Variants in PDZRN3 observed in about 807,000 individuals in gnomAD.
PDZRN3 encodes E3 ubiquitin-protein ligase PDZRN3.
Under a neutral mutation model 85.7 loss-of-function variants are expected in PDZRN3, and 38 were observed. The observed-to-expected ratio is 0.44, with a 90% confidence interval of 0.34 to 0.58. The LOEUF is 0.58. Among genes scored for constraint, PDZRN3 ranks in the 20% least tolerant of loss-of-function variants. PDZRN3 has a pLI of 0.01. For missense variants in PDZRN3, 1,629 were observed against 1,506.4 expected (o/e 1.08, Z -1.35); for synonymous variants, 759 against 638.0 (o/e 1.19, Z -2.86).
At chr3:73,578,314 G>T (rs9815613) in intron 3 of PDZRN3, among the ~76,000 whole-genome samples, 2 of 151,796 alleles carry the variant, frequency 1.3e-5, no homozygotes, top group African/African-American at 4.8e-5. Context: ...GACTACAGGC[G>T]CCTGCCACCA....
Position 73,438,307 on chromosome 3 carries a change from T to C in PDZRN3, c.919-33912A>G, listed in dbSNP as rs900180478. Among the ~76,000 whole-genome samples the C allele has an allele frequency of 2.6e-5, 4 of 152,234 alleles. No homozygotes were observed. In the East Asian group the frequency reaches 7.7e-4, roughly 29 times the overall value. On this transcript the variant is annotated intron_variant, in intron 3 of 9. Coordinates refer to ENST00000263666, the MANE Select transcript of PDZRN3 (RefSeq NM_015009.3). ...TAAGTCATCAGGGTGCTACAGACAG[T>C]CAGCAGATGTAGACATGAACTTATA...
intron 7 of PDZRN3, among the ~76,000 whole-genome samples, chr3:73,389,038 A>AGGTTCTGGCT (rs1553682848): frequency 6.6e-6 from 1 of 151,822 alleles, no homozygotes; most frequent in African/African-American, 2.4e-5. Flanking sequence ...TGAGCAGCAC[A>AGGTTCTGGCT]GGTTCTGGCT....
At chr3:73,469,536 T>G (rs780763953) in intron 3 of PDZRN3, among the ~76,000 whole-genome samples, 1 of 152,210 alleles carries the variant, frequency 6.6e-6, no homozygotes, top group Non-Finnish European at 1.5e-5. Context: ...CCGTGCTTAC[T>G]CACTGTGATT....
chr3:73,568,241 G>A (rs918676612), intron 3 of PDZRN3, among the ~76,000 whole-genome samples: 4 of 152,086 alleles, frequency 2.6e-5, no homozygotes, highest in African/African-American at 9.7e-5. Flanking sequence ...TATCTCCCCA[G>A]AGCTAGATAT....
At chr3:73,450,838 A>G (rs1165272795) in intron 3 of PDZRN3, among the ~76,000 whole-genome samples, 1 of 151,874 alleles carries the variant, frequency 6.6e-6, no homozygotes, top group East Asian at 1.9e-4. Context: ...AATTCTTTTC[A>G]CCCTCTGGAT....
At chr3:73,611,798 T>C (rs1021567641) in intron 1 of PDZRN3, among the ~76,000 whole-genome samples, 6 of 152,228 alleles carry the variant, frequency 3.9e-5, no homozygotes, top group Admixed American at 6.5e-5. Context: ...TTAATTGAGA[T>C]TGTAAACAGA....
intron 3 of PDZRN3, among the ~76,000 whole-genome samples, chr3:73,542,411 T>C (rs547683117): frequency 6.6e-6 from 1 of 152,304 alleles, no homozygotes; most frequent in South Asian, 2.1e-4. Context: ...CTGATTGTTC[T>C]AGGAGATTTA....
Position 73,391,118 on chromosome 3 carries a change from T to G in PDZRN3, c.1255-2A>C, listed in dbSNP as rs1701518177. The stretch of plus-strand genomic sequence containing the variant: ...GTTCATTCTGTAGAGGTCCACTTCC[T>G]AGACAAAGAAAGGCATTCCCAGTGA... On this transcript the variant is annotated splice_acceptor_variant, in intron 5 of 9. Coordinates refer to ENST00000263666, the MANE Select transcript of PDZRN3 (RefSeq NM_015009.3). LOFTEE classifies it high-confidence loss of function. The G allele has an allele frequency of 6.2e-7, 1 of 1,604,754 alleles. No homozygotes were observed. The highest frequency in any genetic ancestry group is 8.5e-7 in the Non-Finnish European group (1 of 1,171,904).
At chr3:73,412,826 T>C (rs1184551730) in intron 3 of PDZRN3, among the ~76,000 whole-genome samples, 1 of 152,220 alleles carries the variant, frequency 6.6e-6, no homozygotes, top group Non-Finnish European at 1.5e-5. Context: ...ATTATCCTCA[T>C]TGATTTGCAG....
At chr3:73,575,533 C>A (rs1209042218) in intron 3 of PDZRN3, among the ~76,000 whole-genome samples, 2 of 152,106 alleles carry the variant, frequency 1.3e-5, no homozygotes, top group African/African-American at 4.8e-5. Context: ...AAGTTAACTA[C>A]CAAATTTCAT....
chr3:73,452,839 C>CTCTGTGTGTGTGTGTGTGTGTG (rs1553690746), intron 3 of PDZRN3, among the ~76,000 whole-genome samples: 18 of 140,720 alleles, frequency 1.3e-4, no homozygotes, highest in African/African-American at 4.8e-4. Context: ...GTCCATATAT[C>CTCTGTGTGTGTGTGTGTGTGTG]TGTGTGTGTG....
At position 73,497,256 on chromosome 3, in the gene PDZRN3, T is replaced by C. The variant is rs143797489; in HGVS notation, c.919-92861A>G. ...TACATTTGGAGAGCAGTAACACACA[T>C]GCATTTTACAGGGAGACTTAGGTAA... On this transcript the variant is annotated intron_variant, in intron 3 of 9. Transcript: ENST00000263666. Among the ~76,000 whole-genome samples the C allele has an allele frequency of 2.5e-3, 382 of 152,280 alleles. 1 individual carries two copies. Among genetic ancestry groups the C allele is most frequent in the Non-Finnish European group, 3.3e-3 (224 of 68,022 alleles).
At chr3:73,604,650 G>T (rs1226524372) in intron 2 of PDZRN3, among the ~76,000 whole-genome samples, 1 of 152,180 alleles carries the variant, frequency 6.6e-6, no homozygotes, top group Non-Finnish European at 1.5e-5. Flanking sequence ...GAACAAGCTT[G>T]AGTTCCCTAA....
At chr3:73,483,229 G>C (rs924586618) in intron 3 of PDZRN3, among the ~76,000 whole-genome samples, 10 of 152,190 alleles carry the variant, frequency 6.6e-5, no homozygotes, top group Non-Finnish European at 1.2e-4. Flanking sequence ...GCTTCATTTT[G>C]AAGCAATTTA....
rs765034652 is a variant in PDZRN3 at position 73,383,996 on chromosome 3, C to T, written c.2570G>A (p.Ser857Asn). ...GTGGTGATAGGAGGGCAGGTAGGCGCTGCCCAGCTTCTGGCTGGGCGTGGG... is the reference window on the plus strand; with the variant it reads ...GTGGTGATAGGAGGGCAGGTAGGCGTTGCCCAGCTTCTGGCTGGGCGTGGG... ...RSPTPSQKLG[S>N]AYLPSYHHSP... Residue 857 changes from serine (S) to asparagine (N), a missense_variant, in exon 10 of 10, where the codon AGC becomes AAC. By Grantham distance (46) the Ser-to-Asn change is conservative (BLOSUM62 1). Transcript: ENST00000263666. 1.4e-5 allele frequency: 22 copies of T among 1,590,016 alleles called. No homozygotes were observed. Among genetic ancestry groups the T allele is most frequent in the South Asian group, 1.1e-4 (10 of 87,260 alleles).
intron 3 of PDZRN3, among the ~76,000 whole-genome samples, chr3:73,558,793 T>C (rs1701757021): frequency 2.0e-5 from 3 of 152,222 alleles, no homozygotes; most frequent in African/African-American, 7.2e-5. Flanking sequence ...AGCTTTACAA[T>C]AACCTCTTAA....
chr3:73,466,045 T>C (rs904419617), intron 3 of PDZRN3, among the ~76,000 whole-genome samples: 2 of 152,200 alleles, frequency 1.3e-5, no homozygotes, highest in African/African-American at 2.4e-5. Context: ...CTCTAAAGCT[T>C]TGTCTATCAG....
At chr3:73,436,877 C>T (rs993662612) in intron 3 of PDZRN3, among the ~76,000 whole-genome samples, 2 of 151,816 alleles carry the variant, frequency 1.3e-5, no homozygotes, top group Non-Finnish European at 2.9e-5. Context: ...GAAACCCTGT[C>T]TCTACTAAAA....
At chr3:73,406,574 C>G (rs1012211137) in intron 3 of PDZRN3, among the ~76,000 whole-genome samples, 1 of 152,166 alleles carries the variant, frequency 6.6e-6, no homozygotes, top group African/African-American at 2.4e-5. Flanking sequence ...TCACGCTGGT[C>G]TTCTGCCCTT....
Sources: gnomAD v4.1 joint callset for allele counts (sites outside exome capture counted in the v4.1 genomes callset) on GRCh38, gnomAD v4.1.1 for gene constraint, MANE v1.5 for transcripts, NCBI Gene and HGNC (gene_info 2026-07-23, HGNC 2026-07-21) for gene names.